Variants in POLR3E observed in about 807,000 individuals in gnomAD.
The protein encoded by POLR3E is RNA polymerase III subunit E, also known as DNA-directed RNA polymerase III subunit RPC5.
Under a neutral mutation model 96.6 loss-of-function variants are expected in POLR3E, and 41 were observed. That is an observed-to-expected ratio of 0.42 (90% CI 0.33 to 0.55). The LOEUF (loss-of-function observed/expected upper bound fraction) is 0.55. Ranked by LOEUF, POLR3E falls within the 20% of genes least tolerant of loss-of-function variation. POLR3E has a pLI of 0.06. For synonymous variants in POLR3E, 396 were observed against 383.6 expected, an observed-to-expected ratio of 1.03 and a Z score of -0.38; for missense variants, 849 against 952.1, an observed-to-expected ratio of 0.89 and a Z score of 1.43.
In POLR3E at chr16:22,321,895, G is replaced by T. The variant is rs913904750; in HGVS notation, c.987-955G>T. Among the ~76,000 whole-genome samples the T allele has an allele frequency of 3.3e-5, 5 of 152,234 alleles. No homozygotes were observed. In the East Asian group the frequency reaches 9.6e-4, roughly 29 times the overall value. ...AGGGTCCTGTGTGTGCCTGTGAGGA[G>T]ACAATGCAAAATCCATGCCTCCATT... On this transcript the variant is annotated intron_variant, in intron 13 of 20. Transcript: ENST00000299853.
In POLR3E at chr16:22,322,737, C is replaced by A; in HGVS notation, c.987-113C>A. ...CTAAGGGGAGGTCTTGGGGCTCAGG[C>A]CTGTACCCAGCCCACGGTGGAAAGA... On this transcript the variant is annotated intron_variant, in intron 13 of 20. Coordinates refer to ENST00000299853, the MANE Select transcript of POLR3E (RefSeq NM_018119.4). The surrounding 1 kb of genome is among the most constrained non-coding windows in gnomAD (Gnocchi z 5.2). The A allele has an allele frequency of 1.4e-6, 1 of 721,760 alleles. No homozygotes were observed. The highest frequency in any genetic ancestry group is 1.6e-5 in the South Asian group (1 of 61,984). The allele number at this position is 721,760 out of a possible 1,614,324, so 44.7% of individuals were successfully genotyped here. A position where few individuals can be genotyped will look rare whatever the true frequency, so the allele number is the denominator to read the frequency against.
chr16:22,324,288 G>GACA, intron 14 of POLR3E, 66 bp from the exon 15 acceptor site: 2 of 1,363,588 alleles, frequency 1.5e-6, no homozygotes. Flanking sequence ...TGCCAGGTGA[G>GACA]TTCCCGGGAC....
Position 22,326,275 on chromosome 16 carries a change from G to A in POLR3E, c.1863G>A (p.Val621=), listed in dbSNP as rs2048591309. Residue 621 remains valine, a synonymous_variant, in exon 18 of 21, where the codon GTG becomes GTA. Transcript: ENST00000299853. ...VLAAGCKQIL[V]PFPPQTAASP... is the part of the protein sequence containing the mutation. ...CCGCCGGTTGCAAGCAGATACTGGT[G>A]CCTGTAAGTAGAGCCCTGCCTGCCA... is the stretch of plus-strand genomic sequence containing the variant. 3.9e-6 allele frequency: 5 copies of A among 1,295,388 alleles called. No homozygotes were observed. The highest frequency in any genetic ancestry group is 5.2e-6 in the Non-Finnish European group (5 of 967,062). 80.2% of individuals were successfully genotyped at this position (1,295,388 alleles called of 1,614,324 possible). A position where few individuals can be genotyped will look rare whatever the true frequency, so the allele number is the denominator to read the frequency against.
chr16:22,309,133 A>G, intron 5 of POLR3E, 93 bp downstream of exon 5: 4 of 852,794 alleles, frequency 4.7e-6, no homozygotes, highest in Non-Finnish European at 7.5e-6. Flanking sequence ...TTGCCCCGTC[A>G]CTGGGCTCCC....
chr16:22,326,711 A>C, intron 18 of POLR3E: 1 of 277,742 alleles, frequency 3.6e-6, no homozygotes, highest in Non-Finnish European at 7.1e-6. Context: ...TGTACGTTTA[A>C]AGGTCACTAC....
intron 14 of POLR3E, among the ~76,000 whole-genome samples, chr16:22,324,086 A>ACC (rs1401718914): frequency 1.5e-5 from 2 of 131,350 alleles, no homozygotes; most frequent in African/African-American, 8.4e-5. Context: ...TGGGCAGGGC[A>ACC]TCCCCAGGGA....
At chr16:22,324,095 G>A (rs2048527276) in intron 14 of POLR3E, among the ~76,000 whole-genome samples, 1 of 143,900 alleles carries the variant, frequency 6.9e-6, no homozygotes, top group African/African-American at 2.9e-5. Context: ...CATCCCCAGG[G>A]AGCGCTGTGG....
chr16:22,308,519 A>T (rs2048180011), intron 4 of POLR3E: 1 of 488,858 alleles, frequency 2.0e-6, no homozygotes. Flanking sequence ...ATGGGAAGAG[A>T]ATCTAGCGCC....
chr16:22,304,812 G>A (rs1442241153), intron 2 of POLR3E, among the ~76,000 whole-genome samples: 2 of 152,158 alleles, frequency 1.3e-5, no homozygotes, highest in African/African-American at 2.4e-5. Context: ...GTGAGCCCTC[G>A]CCTGCCTGCC....
At chr16:22,321,906 A>G (rs1009356039) in intron 13 of POLR3E, among the ~76,000 whole-genome samples, 4 of 152,122 alleles carry the variant, frequency 2.6e-5, no homozygotes, top group African/African-American at 9.7e-5. Flanking sequence ...ACAATGCAAA[A>G]TCCATGCCTC....
At chr16:22,325,396 C>T in intron 17 of POLR3E, 130 bp downstream of exon 17, 1 of 773,300 alleles carries the variant, frequency 1.3e-6, no homozygotes, top group Non-Finnish European at 2.2e-6. Flanking sequence ...CCTTCACCCT[C>T]CTTCCTTTCC....
At chr16:22,298,841 G>A (rs950831700) in intron 1 of POLR3E, 5 of 375,814 alleles carry the variant, frequency 1.3e-5, no homozygotes, top group African/African-American at 8.5e-5. Context: ...TGTCAACTTC[G>A]TGCCAGGCAC....
chr16:22,312,493 C>T (rs2048266525), intron 6 of POLR3E, among the ~76,000 whole-genome samples: 2 of 151,990 alleles, frequency 1.3e-5, no homozygotes, highest in Admixed American at 6.6e-5. Flanking sequence ...GACTCCATCT[C>T]AAAACAAAAA....
chr16:22,324,801 A>G, intron 16 of POLR3E, 141 bp downstream of exon 16: 1 of 918,624 alleles, frequency 1.1e-6, no homozygotes, highest in Non-Finnish European at 1.7e-6. Context: ...CTGGGTGTGA[A>G]GGGCAGGTGG....
Position 22,308,217 on chromosome 16 carries a change from C to G in POLR3E, c.157C>G (p.Gln53Glu). The change falls in exon 4 of 21, where the codon CAG becomes GAG. Residue 53 changes from glutamine to glutamate, a missense_variant. Gln to Glu is a conservative substitution (Grantham distance 29, BLOSUM62 2). Transcript: ENST00000299853. The stretch of plus-strand genomic sequence containing the variant: ...CCTCTCAGCCAAGATCAAGCCCAAG[C>G]AGCAGAAGGTGGGGCTGCCCCCTGA... ...PHLSAKIKPK[Q>E]QKVELEMAID... is the part of the protein sequence containing the mutation. 1 of 1,613,288 alleles carries G rather than the reference C, an allele frequency of 6.2e-7. No individual in the cohort carries two copies. The highest frequency in any genetic ancestry group is 8.5e-7 in the Non-Finnish European group (1 of 1,179,308).
chr16:22,306,404 C>T lies in POLR3E; in HGVS notation c.87+1198C>T, dbSNP rs189364115. On this transcript the variant is annotated intron_variant, in intron 3 of 20. Transcript: ENST00000299853. ...CTGAGTAGTTGGGACTACAGGCACG[C>T]GCCACAAGCCCGGCTAATTTTTGTA... 3.7e-3 allele frequency among the ~76,000 whole-genome samples: 561 copies of T among 152,172 alleles called. 4 individuals carry two copies. Among genetic ancestry groups the T allele is most frequent in the African/African-American group, 0.013 (529 of 41,542 alleles).
At chr16:22,306,546 C>G (rs376687740) in intron 3 of POLR3E, among the ~76,000 whole-genome samples, 1 of 152,204 alleles carries the variant, frequency 6.6e-6, no homozygotes, top group South Asian at 2.1e-4. Flanking sequence ...AGCCACCGCT[C>G]CCAGCCAATA....
intron 3 of POLR3E, among the ~76,000 whole-genome samples, chr16:22,306,542 C>T (rs914609104): frequency 2.0e-4 from 31 of 152,174 alleles, no homozygotes; most frequent in African/African-American, 6.5e-4. Context: ...TGTGAGCCAC[C>T]GCTCCCAGCC....
Position 22,322,997 on chromosome 16 carries a change from C to T in POLR3E, c.1068+66C>T, listed in dbSNP as rs2048502012. 2 of 1,125,108 alleles carry T rather than the reference C, an allele frequency of 1.8e-6. No individual in the cohort carries two copies. Among genetic ancestry groups the T allele is most frequent in the African/African-American group, 3.1e-5 (2 of 65,072 alleles). The allele number at this position is 1,125,108 out of a possible 1,614,324, so 69.7% of individuals were successfully genotyped here. On this transcript the variant is annotated intron_variant, in intron 14 of 20. Transcript: ENST00000299853. The surrounding 1 kb of genome is among the most constrained non-coding windows in gnomAD (Gnocchi z 5.2). ...GGAAGAGGGGGGCAGCGGTGCAGGG[C>T]TTCTGAAGACCGGGGCCCGGCAGAG...
Sources: gnomAD v4.1 joint callset for allele counts (sites outside exome capture counted in the v4.1 genomes callset) on GRCh38, gnomAD v4.1.1 for gene constraint, Gnocchi (gnomAD v3.1) non-coding constraint, MANE v1.5 for transcripts, NCBI Gene and HGNC (gene_info 2026-07-23, HGNC 2026-07-21) for gene names.